Variants in NEGR1 observed in about 807,000 individuals in gnomAD.
The protein encoded by NEGR1 is IgLON family member 4.
NEGR1 carries 10 observed loss-of-function variants against 40.9 expected under a neutral mutation model. The ratio of observed to expected loss-of-function variants is 0.24; its 90% CI spans 0.15 to 0.42. The LOEUF is 0.42. NEGR1 is among the 10% of genes least tolerant of loss of function. NEGR1 has a pLI of 1.00. For missense variants in NEGR1, 352 were observed against 438.9 expected, an observed-to-expected ratio of 0.80 and a Z score of 1.77; for synonymous variants, 185 against 166.8, an observed-to-expected ratio of 1.11 and a Z score of -0.84.
At chr1:71,626,701 A>G (rs1650794422) in intron 4 of NEGR1, among the ~76,000 whole-genome samples, 2 of 152,144 alleles carry the variant, frequency 1.3e-5, no homozygotes, top group South Asian at 4.1e-4. Context: ...CAGAGTGAAC[A>G]GGCAACCAAC....
At chr1:71,505,537 T>C (rs1474243511) in intron 6 of NEGR1, among the ~76,000 whole-genome samples, 1 of 152,056 alleles carries the variant, frequency 6.6e-6, no homozygotes. Flanking sequence ...AGCCTCAGCC[T>C]CCCAAAGTGC....
At chr1:71,950,877 C>T (rs1192705946) in intron 1 of NEGR1, among the ~76,000 whole-genome samples, 2 of 151,906 alleles carry the variant, frequency 1.3e-5, no homozygotes, top group Non-Finnish European at 2.9e-5. Flanking sequence ...ACGATATATA[C>T]ACTTGCATCT....
intron 1 of NEGR1, among the ~76,000 whole-genome samples, chr1:72,092,919 T>C (rs147408902): frequency 6.6e-6 from 1 of 152,256 alleles, no homozygotes; most frequent in Non-Finnish European, 1.5e-5. Flanking sequence ...CCCAAAGTGT[T>C]AGGATTAGAA....
At chr1:72,115,212 T>TA (rs535573585) in intron 1 of NEGR1, among the ~76,000 whole-genome samples, 33,788 of 150,160 alleles carry the variant, frequency 0.23, 4,271 homozygotes, top group Non-Finnish European at 0.29. Flanking sequence ...TATATATATA[T>TA]TTTTTCATTT....
intron 6 of NEGR1, among the ~76,000 whole-genome samples, chr1:71,442,809 G>C (rs75717655): frequency 0.013 from 2,047 of 152,306 alleles, 43 homozygotes; most frequent in African/African-American, 0.046. Flanking sequence ...TGTTTTGAGA[G>C]AAGGTTGCTG....
intron 1 of NEGR1, among the ~76,000 whole-genome samples, chr1:72,239,482 T>C: frequency 6.6e-6 from 1 of 151,958 alleles, no homozygotes; most frequent in Admixed American, 6.6e-5. Flanking sequence ...GATTTATTAA[T>C]CATTTGTTTA....
At chr1:71,731,741 C>T (rs895223004) in intron 3 of NEGR1, among the ~76,000 whole-genome samples, 3 of 152,128 alleles carry the variant, frequency 2.0e-5, no homozygotes, top group Non-Finnish European at 4.4e-5. Context: ...ATATTGTTTT[C>T]ATATACAGCA....
intron 6 of NEGR1, chr1:71,463,607 A>G (rs1235508096): frequency 6.6e-6 from 1 of 152,168 alleles, no homozygotes; most frequent in Non-Finnish European, 1.5e-5. Flanking sequence ...CTGTTACTGT[A>G]CTATTAGTGC....
chr1:71,980,440 G>A (rs1646344612), intron 1 of NEGR1, among the ~76,000 whole-genome samples: 1 of 152,114 alleles, frequency 6.6e-6, no homozygotes, highest in Non-Finnish European at 1.5e-5. Context: ...TAATATTCCA[G>A]GAGTGTTATG....
At chr1:71,491,838 A>C (rs1476528004) in intron 6 of NEGR1, among the ~76,000 whole-genome samples, 2 of 152,164 alleles carry the variant, frequency 1.3e-5, no homozygotes, top group African/African-American at 2.4e-5. Flanking sequence ...CTATCATTTA[A>C]TAGAGTGCTA....
At chr1:71,512,739 G>A (rs1349540586) in intron 6 of NEGR1, among the ~76,000 whole-genome samples, 7 of 151,926 alleles carry the variant, frequency 4.6e-5, no homozygotes, top group Admixed American at 2.6e-4. Flanking sequence ...CCACCACCAC[G>A]CCTGGCTACG....
In NEGR1 at chr1:71,921,597, G is replaced by A. The variant is rs553537408; in HGVS notation, c.409+13482C>T. ...TCTTAATAACATTTTCTTCCCTTTA[G>A]CTTACTGTATTGTAGGAATACAGTA... On this transcript the variant is annotated intron_variant, in intron 2 of 6. Coordinates refer to ENST00000357731, the MANE Select transcript of NEGR1 (RefSeq NM_173808.3). 1.0e-4 allele frequency among the ~76,000 whole-genome samples: 15 copies of A among 148,820 alleles called. 1 individual carries two copies. The East Asian group carries it at 2.8e-3, about 27-fold the overall frequency.
chr1:71,569,922 T>A (rs1422855311), intron 6 of NEGR1, among the ~76,000 whole-genome samples: 1 of 152,172 alleles, frequency 6.6e-6, no homozygotes, highest in Non-Finnish European at 1.5e-5. Flanking sequence ...GCACTGGGTT[T>A]CTTTTTCAGT....
At chr1:72,113,396 C>T (rs1411618313) in intron 1 of NEGR1, among the ~76,000 whole-genome samples, 1 of 151,006 alleles carries the variant, frequency 6.6e-6, no homozygotes, top group African/African-American at 2.4e-5. Context: ...TAGCTGTTAT[C>T]CTTGGAGAAT....
At chr1:71,416,456 C>A (rs1646356444) in intron 6 of NEGR1, among the ~76,000 whole-genome samples, 1 of 152,030 alleles carries the variant, frequency 6.6e-6, no homozygotes, top group Non-Finnish European at 1.5e-5. Context: ...ATTCCATTTA[C>A]CTTTAAATTT....
In NEGR1 at chr1:72,207,295, C is replaced by A. The variant is rs572129556; in HGVS notation, c.176+75024G>T. ...TACTTCATAGGATTAAGTGCATACT[C>A]AAAGAATTTAACACCAGATAAACAG... On this transcript the variant is annotated intron_variant, in intron 1 of 6. Transcript: ENST00000357731. Among the ~76,000 whole-genome samples, 102 of 151,782 alleles carry A rather than the reference C, an allele frequency of 6.7e-4. 1 individual carries two copies. The highest frequency in any genetic ancestry group is 4.6e-4 in the Non-Finnish European group (31 of 67,752).
intron 6 of NEGR1, among the ~76,000 whole-genome samples, chr1:71,459,886 A>G (rs1332851248): frequency 6.6e-6 from 1 of 152,208 alleles, no homozygotes; most frequent in Non-Finnish European, 1.5e-5. Context: ...GAATCCTTCT[A>G]AGAATACCCA....
chr1:71,880,304 A>C (rs1221566531), intron 2 of NEGR1, among the ~76,000 whole-genome samples: 2 of 152,048 alleles, frequency 1.3e-5, no homozygotes, highest in African/African-American at 4.8e-5. Flanking sequence ...TCAAAGAAGC[A>C]TGGTGGCATC....
At chr1:72,252,876 G>C (rs992502045) in intron 1 of NEGR1, among the ~76,000 whole-genome samples, 8 of 152,120 alleles carry the variant, frequency 5.3e-5, no homozygotes, top group Non-Finnish European at 1.2e-4. Flanking sequence ...AACAGGGCAA[G>C]GTGAAATTTT....
Sources: allele counts gnomAD v4.1 joint callset (sites outside exome capture counted in the v4.1 genomes callset), GRCh38; gene constraint gnomAD v4.1.1; transcripts MANE v1.5; gene names NCBI Gene and HGNC (gene_info 2026-07-23, HGNC 2026-07-21).